The following THSD7A variants were observed in gnomAD, a reference collection of about 807,000 sequenced individuals.
THSD7A encodes thrombospondin type 1 domain containing 7A, also known as thrombospondin type-1 domain-containing protein 7A.
A neutral mutation model predicts 231.3 loss-of-function variants in THSD7A; 96 were observed. The ratio of observed to expected loss-of-function variants is 0.41; its 90% CI spans 0.35 to 0.49. The LOEUF (loss-of-function observed/expected upper bound fraction) is 0.49, where lower values mean the gene tolerates loss of function less well. THSD7A is among the 20% of genes least tolerant of loss of function. The pLI is 0.05. For synonymous variants in THSD7A, 940 were observed against 743.3 expected (o/e 1.26, Z -4.30); for missense variants, 2,290 against 2,070.2 (o/e 1.11, Z -2.06).
chr7:11,456,926 T>A (rs1018474354), intron 11 of THSD7A, among the ~76,000 whole-genome samples: 3 of 152,074 alleles, frequency 2.0e-5, no homozygotes, highest in Admixed American at 6.6e-5. Context: ...CTATCTCATA[T>A]CTTAGTTACA....
chr7:11,390,457 T>A (rs1273743083), intron 23 of THSD7A, among the ~76,000 whole-genome samples: 1 of 152,240 alleles, frequency 6.6e-6, no homozygotes, highest in East Asian at 1.9e-4. Flanking sequence ...CTCCATCAGG[T>A]CATTTATGTT....
rs1782282998 is a variant in THSD7A, at chr7:11,376,587, G to C, written c.4872C>G (p.Ser1624=). 1.5e-5 allele frequency: 24 copies of C among 1,582,790 alleles called. No homozygotes were observed. The highest frequency in any genetic ancestry group is 2.1e-5 in the Non-Finnish European group (24 of 1,163,556). ...ACACTCACCAAGCTAGATAAATCAT[G>C]GAGACAATAAAGATGAGTAACACAA... ...GAFVLLIFIV[S]MIYLACKKPK... Residue 1624 remains serine (S), a synonymous_variant, in exon 27 of 28, where the codon TCC becomes TCG. Transcript: ENST00000423059.
chr7:11,731,581 TG>T (rs1222854273), intron 1 of THSD7A, among the ~76,000 whole-genome samples: 4 of 151,686 alleles, frequency 2.6e-5, no homozygotes, highest in Non-Finnish European at 4.4e-5. Context: ...AATTTTTTAC[TG>T]TTTTATCCTG....
At chr7:11,510,236 T>C (rs540320292) in intron 6 of THSD7A, among the ~76,000 whole-genome samples, 153 of 152,186 alleles carry the variant, frequency 1.0e-3, no homozygotes, top group Middle Eastern at 3.4e-3. Context: ...AGAAGCTGAA[T>C]CCCTGAATAG....
chr7:11,546,195 G>GGCGTGTGTGTGTGTGCGCGCGC (rs752700561), intron 4 of THSD7A, among the ~76,000 whole-genome samples: 1 of 78,698 alleles, frequency 1.3e-5, no homozygotes, highest in African/African-American at 5.0e-5. Flanking sequence ...TGCTGGTGTG[G>GGCGTGTGTGTGTGTGCGCGCGC]GCGCGCGCTC....
At chr7:11,724,870 A>G (rs1781491287) in intron 1 of THSD7A, among the ~76,000 whole-genome samples, 1 of 151,892 alleles carries the variant, frequency 6.6e-6, no homozygotes, top group African/African-American at 2.4e-5. Context: ...GTGGTAATCA[A>G]AAGTAAATGC....
chr7:11,829,415 A>G (rs1443864594), intron 1 of THSD7A, among the ~76,000 whole-genome samples: 1 of 152,164 alleles, frequency 6.6e-6, no homozygotes, highest in African/African-American at 2.4e-5. Context: ...GAAGCCAAGA[A>G]CCAAAGTCAT....
At chr7:11,825,329 C>G (rs1784994197) in intron 1 of THSD7A, among the ~76,000 whole-genome samples, 1 of 152,118 alleles carries the variant, frequency 6.6e-6, no homozygotes, top group Non-Finnish European at 1.5e-5. Context: ...ATTGATCTAA[C>G]TTAGCCAGTC....
At chr7:11,424,285 G>A (rs922803226) in intron 16 of THSD7A, among the ~76,000 whole-genome samples, 1 of 152,168 alleles carries the variant, frequency 6.6e-6, no homozygotes, top group African/African-American at 2.4e-5. Context: ...CCAGCTGGGG[G>A]CTTCAGAGAA....
chr7:11,760,119 A>G lies in THSD7A; in HGVS notation c.190+71638T>C, dbSNP rs1429405457. Reference sequence around the variant, plus strand: ...GAAAGATGATGATAGACACCTTAGGATTTGTTCTGATAAATATTTCCAATA... The same window carrying G: ...GAAAGATGATGATAGACACCTTAGGGTTTGTTCTGATAAATATTTCCAATA... On this transcript the variant is annotated intron_variant, in intron 1 of 27. Transcript: ENST00000423059. Among the ~76,000 whole-genome samples, 4 of 152,166 alleles carry G rather than the reference A, an allele frequency of 2.6e-5. No individual in the cohort carries two copies. In the East Asian group the frequency reaches 7.7e-4, roughly 29 times the overall value.
intron 1 of THSD7A, among the ~76,000 whole-genome samples, chr7:11,732,388 G>A (rs980584709): frequency 2.6e-5 from 4 of 151,886 alleles, no homozygotes; most frequent in East Asian, 1.9e-4. Context: ...GCATACTGCC[G>A]GACGCATAGT....
chr7:11,635,871 T>C lies in THSD7A; in HGVS notation c.1022+259A>G, dbSNP rs16877006. 0.12 allele frequency among the ~76,000 whole-genome samples: 17,489 copies of C among 152,044 alleles called. 2,876 individuals are homozygous for C. The highest frequency in any genetic ancestry group is 0.35 in the African/African-American group (14,555 of 41,400). ...GTCTACACATAGAGAAGAAGCAGTATCTTTTCATGAAGAATTGCTCATGCT... is the reference window on the plus strand; with the variant it reads ...GTCTACACATAGAGAAGAAGCAGTACCTTTTCATGAAGAATTGCTCATGCT... On this transcript the variant is annotated intron_variant, in intron 2 of 27. Transcript: ENST00000423059.
chr7:11,617,696 A>C (rs1781155454), intron 2 of THSD7A, among the ~76,000 whole-genome samples: 1 of 152,190 alleles, frequency 6.6e-6, no homozygotes, highest in Admixed American at 6.5e-5. Context: ...TGTTAATATT[A>C]GATGTTAATG....
chr7:11,392,217 C>T (rs551948316), intron 23 of THSD7A, among the ~76,000 whole-genome samples: 2 of 152,072 alleles, frequency 1.3e-5, no homozygotes, highest in South Asian at 2.1e-4. Flanking sequence ...TTGGGACTGG[C>T]TGGACAGTAA....
intron 4 of THSD7A, 110 bp from the exon 5 acceptor site, chr7:11,543,227 C>T: frequency 1.1e-6 from 1 of 896,626 alleles, no homozygotes; most frequent in Non-Finnish European, 1.7e-6. Context: ...AGAAGTGCTA[C>T]CAAGACATTA....
chr7:11,774,114 T>A (rs886910470), intron 1 of THSD7A, among the ~76,000 whole-genome samples: 1 of 152,210 alleles, frequency 6.6e-6, no homozygotes, highest in African/African-American at 2.4e-5. Context: ...ATTAGAGTGA[T>A]AACTTTGTAA....
At chr7:11,380,254 A>T (rs1402339332) in intron 24 of THSD7A, among the ~76,000 whole-genome samples, 1 of 152,124 alleles carries the variant, frequency 6.6e-6, no homozygotes, top group Admixed American at 6.6e-5. Flanking sequence ...CTACGAAATC[A>T]TTTGTTTTGC....
At position 11,638,587 on chromosome 7, in the gene THSD7A, A is replaced by T. The variant is rs771553366; in HGVS notation, c.191-1626T>A. Among the ~76,000 whole-genome samples, 31 of 152,232 alleles carry T rather than the reference A, an allele frequency of 2.0e-4. 1 individual carries two copies. Among genetic ancestry groups the T allele is most frequent in the Non-Finnish European group, 8.8e-5 (6 of 68,046 alleles). On this transcript the variant is annotated intron_variant, in intron 1 of 27. Transcript: ENST00000423059. ...TATTGTGCTAACTAATCATTATTGC[A>T]TGAAAGTAAATATTGCATAGTTGGC...
intron 4 of THSD7A, among the ~76,000 whole-genome samples, chr7:11,574,118 T>A (rs1790771932): frequency 6.6e-6 from 1 of 152,218 alleles, no homozygotes; most frequent in Non-Finnish European, 1.5e-5. Context: ...GGGCTAGATA[T>A]ATAAATCTCG....
Sources: allele counts gnomAD v4.1 joint callset (sites outside exome capture counted in the v4.1 genomes callset), GRCh38; gene constraint gnomAD v4.1.1; transcripts MANE v1.5; gene names NCBI Gene and HGNC (gene_info 2026-07-23, HGNC 2026-07-21).